The following CNGA3 variants were observed in gnomAD, a reference collection of about 807,000 sequenced individuals.
The protein encoded by CNGA3 is cyclic nucleotide gated channel subunit alpha 3, also known as cyclic nucleotide-gated channel alpha-3.
CNGA3 carries 42 observed loss-of-function variants against 46.6 expected under a neutral mutation model. That is an observed-to-expected ratio of 0.90 (90% CI 0.70 to 1.17). The LOEUF (loss-of-function observed/expected upper bound fraction) is 1.17, where lower values mean the gene tolerates loss of function less well. CNGA3 is among the 50% of genes most tolerant of loss of function. The pLI, the probability that CNGA3 is intolerant of heterozygous loss-of-function variation, is 0.00. For missense variants in CNGA3, 893 were observed against 890.7 expected, an observed-to-expected ratio of 1.00 and a Z score of -0.03; for synonymous variants, 394 against 369.4, an observed-to-expected ratio of 1.07 and a Z score of -0.76.
intron 1 of CNGA3, among the ~76,000 whole-genome samples, chr2:98,360,400 A>T (rs1451662032): frequency 3.3e-5 from 5 of 152,202 alleles, no homozygotes; most frequent in Non-Finnish European, 5.9e-5. Context: ...GGCTGGAGAC[A>T]ATGCACTTTA....
rs1469543969 is a variant in CNGA3, at chr2:98,380,244, G to A, written c.285G>A (p.Pro95=). 11 of 1,614,208 alleles carry A rather than the reference G, an allele frequency of 6.8e-6. No homozygotes were observed. Among genetic ancestry groups the A allele is most frequent in the Middle Eastern group, 1.7e-4 (1 of 6,060 alleles). The change falls in exon 4 of 8, where the codon CCG becomes CCA. Residue 95 remains proline (P), a synonymous_variant. Transcript: ENST00000272602. ...ATGTGCACCACCAGGACCAGGGACC[G>A]GACTCTTTTCCTGATCGTTTCCGTG... The part of the protein sequence containing the change: ...ARHVHHQDQG[P]DSFPDRFRGA...
At chr2:98,387,426 A>G (rs1184798530) in intron 5 of CNGA3, among the ~76,000 whole-genome samples, 1 of 152,074 alleles carries the variant, frequency 6.6e-6, no homozygotes, top group African/African-American at 2.4e-5. Context: ...CCTGAAGGGG[A>G]CTCGAGGGGT....
intron 2 of CNGA3, among the ~76,000 whole-genome samples, chr2:98,370,608 C>G (rs1348028194): frequency 1.3e-5 from 2 of 152,222 alleles, no homozygotes; most frequent in Non-Finnish European, 2.9e-5. Flanking sequence ...TCAATGACAT[C>G]CTGACACAGG....
chr2:98,367,502 C>G (rs904840317), intron 1 of CNGA3, among the ~76,000 whole-genome samples: 1 of 152,138 alleles, frequency 6.6e-6, no homozygotes, highest in Admixed American at 6.6e-5. Context: ...CTGACCTCAG[C>G]TGTTTCTAGT....
chr2:98,376,298 CAGG>C (rs941091562), intron 2 of CNGA3, among the ~76,000 whole-genome samples: 33 of 152,192 alleles, frequency 2.2e-4, no homozygotes, highest in Admixed American at 2.0e-3. Context: ...AACTTGCTCA[CAGG>C]AGAAGGACCA....
chr2:98,351,609 A>G (rs1324511396), intron 1 of CNGA3, among the ~76,000 whole-genome samples: 6 of 152,210 alleles, frequency 3.9e-5, no homozygotes, highest in African/African-American at 1.4e-4. Flanking sequence ...ATGGACTAAT[A>G]CAGGGGATAA....
chr2:98,365,985 T>C (rs1442756397), intron 1 of CNGA3, among the ~76,000 whole-genome samples: 3 of 152,174 alleles, frequency 2.0e-5, no homozygotes, highest in Admixed American at 6.5e-5. Context: ...GCACTCTGGT[T>C]TTTTGAGTTT....
chr2:98,382,425 A>ACAAG (rs980360158), intron 4 of CNGA3, among the ~76,000 whole-genome samples: 59 of 152,156 alleles, frequency 3.9e-4, no homozygotes, highest in Admixed American at 1.3e-4. Flanking sequence ...CAATCTAGAA[A>ACAAG]CAAGCGGTTA....
At chr2:98,367,943 C>T (rs548168942) in intron 1 of CNGA3, among the ~76,000 whole-genome samples, 169 of 152,340 alleles carry the variant, frequency 1.1e-3, no homozygotes, top group Admixed American at 3.6e-3. Context: ...AAGGCCCAAG[C>T]TCCTGGGCAC....
intron 3 of CNGA3, among the ~76,000 whole-genome samples, chr2:98,379,302 G>A (rs1294607035): frequency 1.3e-5 from 2 of 152,260 alleles, no homozygotes; most frequent in Non-Finnish European, 2.9e-5. Context: ...GTTCCAGGTT[G>A]TTCAGTACTG....
At chr2:98,378,633 G>T (rs937488350) in intron 3 of CNGA3, among the ~76,000 whole-genome samples, 12 of 152,330 alleles carry the variant, frequency 7.9e-5, no homozygotes, top group Non-Finnish European at 4.4e-5. Flanking sequence ...CATTGTAGCT[G>T]GGCATGTAAG....
chr2:98,366,076 A>G (rs1489773135), intron 1 of CNGA3, among the ~76,000 whole-genome samples: 1 of 148,600 alleles, frequency 6.7e-6, no homozygotes, highest in Non-Finnish European at 1.5e-5. Flanking sequence ...TTTGGATGGG[A>G]TTTTTGTGGA....
chr2:98,395,749 T>C, intron 7 of CNGA3, 95 bp from the exon 8 acceptor site: 1 of 969,040 alleles, frequency 1.0e-6, no homozygotes, highest in South Asian at 1.3e-5. Context: ...TATCACTGCA[T>C]ACTGTGTAGC....
intron 1 of CNGA3, among the ~76,000 whole-genome samples, chr2:98,357,651 G>A (rs1033779547): frequency 6.6e-6 from 1 of 152,122 alleles, no homozygotes; most frequent in East Asian, 1.9e-4. Context: ...TCAGTAAGGG[G>A]GCTGGTGGCA....
intron 4 of CNGA3, 141 bp from the exon 5 acceptor site, chr2:98,383,247 G>A (rs974871480): frequency 9.9e-6 from 8 of 804,552 alleles, no homozygotes; most frequent in Non-Finnish European, 1.5e-5. Context: ...ATACCACCCC[G>A]TATTCTTCAA....
intron 4 of CNGA3, among the ~76,000 whole-genome samples, chr2:98,380,812 G>T (rs1056434889): frequency 3.9e-5 from 6 of 152,176 alleles, no homozygotes; most frequent in African/African-American, 1.4e-4. Flanking sequence ...GTGTAGGCAC[G>T]CGTGCATTTT....
At chr2:98,382,014 T>A (rs1446389910) in intron 4 of CNGA3, among the ~76,000 whole-genome samples, 2 of 152,184 alleles carry the variant, frequency 1.3e-5, no homozygotes, top group African/African-American at 4.8e-5. Context: ...TAGAGATGAA[T>A]GTTAGACTCT....
intron 4 of CNGA3, among the ~76,000 whole-genome samples, chr2:98,380,669 G>T (rs1216096617): frequency 6.6e-6 from 1 of 152,144 alleles, no homozygotes; most frequent in East Asian, 1.9e-4. Context: ...CTCATCGGGG[G>T]ATGCTGGCCT....
Position 98,396,757 on chromosome 2 carries a change from G to A in CNGA3, c.1587G>A (p.Val529=). 6.2e-7 allele frequency: 1 copy of A among 1,614,196 alleles called. No individual in the cohort carries two copies. Among genetic ancestry groups the A allele is most frequent in the Non-Finnish European group, 8.5e-7 (1 of 1,180,040 alleles). Reference sequence around the variant, plus strand: ...TCATCAACGAGGGCAAGCTGGCCGTGGTGGCTGATGATGGGGTCACCCAGT... The same window carrying A: ...TCATCAACGAGGGCAAGCTGGCCGTAGTGGCTGATGATGGGGTCACCCAGT... ...MYIINEGKLA[V]VADDGVTQFV... The change falls in exon 8 of 8, where the codon GTG becomes GTA. Residue 529 remains valine, a synonymous_variant. Coordinates refer to ENST00000272602, the MANE Select transcript of CNGA3 (RefSeq NM_001298.3).
Sources: gnomAD v4.1 joint callset for allele counts (sites outside exome capture counted in the v4.1 genomes callset) on GRCh38, gnomAD v4.1.1 for gene constraint, MANE v1.5 for transcripts, NCBI Gene and HGNC (gene_info 2026-07-23, HGNC 2026-07-21) for gene names.